NBEAL1: variants seen among roughly 807,000 people sequenced by gnomAD.
NBEAL1 encodes the protein neurobeachin like 1.
NBEAL1 carries 273 observed loss-of-function variants against 351.3 expected under a neutral mutation model. That is an observed-to-expected ratio of 0.78 (90% CI 0.70 to 0.86). NBEAL1 has a LOEUF of 0.86. Among genes scored for constraint, NBEAL1 ranks in the 40% least tolerant of loss-of-function variants. The probability of loss-of-function intolerance (pLI) is 0.00; values close to 1 mark genes in which losing one functional copy is unlikely to be tolerated. For missense variants in NBEAL1, 2,961 were observed against 3,201.3 expected, an observed-to-expected ratio of 0.92 and a Z score of 1.81; for synonymous variants, 1,050 against 1,086.4, an observed-to-expected ratio of 0.97 and a Z score of 0.66.
At chr2:203,141,519 G>T (rs6736046) in intron 31 of NBEAL1, among the ~76,000 whole-genome samples, 2 of 150,190 alleles carry the variant, frequency 1.3e-5, no homozygotes, top group African/African-American at 4.9e-5. Flanking sequence ...AGTCGTTGGG[G>T]CTACAGGCGT....
At chr2:203,081,436 A>G (rs1230356080) in intron 8 of NBEAL1, among the ~76,000 whole-genome samples, 2 of 152,214 alleles carry the variant, frequency 1.3e-5, no homozygotes, top group Non-Finnish European at 2.9e-5. Context: ...CATTTATGGG[A>G]TATTTGTAAG....
At chr2:203,132,521 G>A (rs1575017879) in intron 26 of NBEAL1, among the ~76,000 whole-genome samples, 1 of 152,088 alleles carries the variant, frequency 6.6e-6, no homozygotes, top group African/African-American at 2.4e-5. Flanking sequence ...TTTAGAAACA[G>A]AGTCTTGCTG....
intron 55 of NBEAL1, among the ~76,000 whole-genome samples, chr2:203,215,803 G>A (rs1485647466): frequency 6.6e-6 from 1 of 152,076 alleles, no homozygotes; most frequent in Non-Finnish European, 1.5e-5. Context: ...TTGAGGCCAG[G>A]AGTTTGAGAC....
chr2:203,124,042 G>A (rs1388022641), intron 19 of NBEAL1, among the ~76,000 whole-genome samples: 3 of 152,170 alleles, frequency 2.0e-5, no homozygotes, highest in African/African-American at 7.2e-5. Context: ...TCAAAACAAA[G>A]TAGAAGATAT....
intron 10 of NBEAL1, among the ~76,000 whole-genome samples, chr2:203,087,374 A>G (rs2061985982): frequency 6.6e-6 from 1 of 151,934 alleles, no homozygotes. Flanking sequence ...TATAGGCGTG[A>G]GCCACCGAGC....
At chr2:203,051,206 T>C (rs890357475) in intron 4 of NBEAL1, among the ~76,000 whole-genome samples, 2 of 152,186 alleles carry the variant, frequency 1.3e-5, no homozygotes, top group Admixed American at 1.3e-4. Flanking sequence ...TGTGTGTTTT[T>C]CCTCATCCTT....
At chr2:203,126,501 C>T in intron 21 of NBEAL1, 56 bp from the exon 22 acceptor site, 2 of 1,241,406 alleles carry the variant, frequency 1.6e-6, no homozygotes, top group Non-Finnish European at 2.1e-6. Context: ...AAAATTATAA[C>T]TTAATGACAG....
intron 44 of NBEAL1, among the ~76,000 whole-genome samples, chr2:203,187,604 G>A (rs556754925): frequency 6.6e-6 from 1 of 151,766 alleles, no homozygotes; most frequent in South Asian, 2.1e-4. Context: ...AGCTGGGCGT[G>A]GTGGCAGGCG....
In NBEAL1 at chr2:203,144,751, C is replaced by T; in HGVS notation, c.5000C>T (p.Pro1667Leu). ...ACTGAAATCTACTCATTTCTGATTC[C>T]CCTTGTTCGTACCCTGGTTTCCAAA... ...EQTEIYSFLI[P>L]LVRTLVSKIY... Residue 1667 changes from proline (P) to leucine (L), a missense_variant, in exon 32 of 56, where the codon CCC becomes CTC. Coordinates refer to ENST00000683969, the MANE Select transcript of NBEAL1 (RefSeq NM_001378026.1). 2 of 1,614,072 alleles carry T rather than the reference C, an allele frequency of 1.2e-6. No homozygotes were observed. Among genetic ancestry groups the T allele is most frequent in the South Asian group, 1.1e-5 (1 of 91,078 alleles).
chr2:203,178,027 A>T (rs1363884501), intron 42 of NBEAL1, among the ~76,000 whole-genome samples: 1 of 152,048 alleles, frequency 6.6e-6, no homozygotes, highest in Admixed American at 6.5e-5. Flanking sequence ...TCAAAAAAAA[A>T]AAATAAAAAA....
rs370861737 is a variant in NBEAL1 at position 203,139,557 on chromosome 2, C to CTTTTTTTTTTTTT, written c.4848+826_4848+838dup. Reference sequence around the variant, plus strand: ...CTGACAACAGGTTGCCCACCCCCACCTTTTTTTTTTTTTTTTTTTTTTTTT... The same window carrying CTTTTTTTTTTTTT: ...CTGACAACAGGTTGCCCACCCCCACCTTTTTTTTTTTTTTTTTTTTTTTTTTTTTTTTTTTTTT... On this transcript the variant is annotated intron_variant, in intron 31 of 55. Transcript: ENST00000683969. Among the ~76,000 whole-genome samples the CTTTTTTTTTTTTT allele has an allele frequency of 1.3e-4, 9 of 67,646 alleles. No homozygotes were observed. In the East Asian group the frequency reaches 1.5e-3, roughly 12 times the overall value. 44.4% of individuals were successfully genotyped at this position (67,646 alleles called of 152,430 possible). A position where few individuals can be genotyped will look rare whatever the true frequency, so the allele number is the denominator to read the frequency against.
chr2:203,048,274 C>T (rs1370358790), intron 3 of NBEAL1, among the ~76,000 whole-genome samples: 2 of 150,560 alleles, frequency 1.3e-5, no homozygotes, highest in Non-Finnish European at 2.9e-5. Flanking sequence ...CCCAGCTACT[C>T]GGGAGCCTGA....
At chr2:203,019,023 A>T (rs2060726031) in intron 2 of NBEAL1, among the ~76,000 whole-genome samples, 1 of 152,196 alleles carries the variant, frequency 6.6e-6, no homozygotes, top group African/African-American at 2.4e-5. Context: ...TTTCATGTAT[A>T]GGCTCCCCTT....
intron 53 of NBEAL1, among the ~76,000 whole-genome samples, chr2:203,210,179 A>C (rs1481592171): frequency 6.6e-6 from 1 of 151,852 alleles, no homozygotes; most frequent in African/African-American, 2.4e-5. Context: ...CCTGGCCAAC[A>C]TGGTGAAACC....
At chr2:203,067,303 A>G (rs1259060244) in intron 6 of NBEAL1, among the ~76,000 whole-genome samples, 2 of 152,266 alleles carry the variant, frequency 1.3e-5, no homozygotes, top group Non-Finnish European at 2.9e-5. Context: ...TACAGCTGGT[A>G]TAATCACTGT....
At chr2:203,116,427 A>G (rs1559377390) in intron 18 of NBEAL1, among the ~76,000 whole-genome samples, 1 of 152,130 alleles carries the variant, frequency 6.6e-6, no homozygotes, top group Admixed American at 6.6e-5. Context: ...AATGTGATGT[A>G]GCCAAAAATT....
chr2:203,126,741 A>G (rs1559385046), intron 22 of NBEAL1, 25 bp downstream of exon 22: 2 of 1,514,610 alleles, frequency 1.3e-6, no homozygotes, highest in Non-Finnish European at 8.8e-7. Flanking sequence ...TCAGATAAAC[A>G]TTTTATAGTT....
At chr2:203,120,026 A>T (rs1458330993) in intron 18 of NBEAL1, among the ~76,000 whole-genome samples, 1 of 152,204 alleles carries the variant, frequency 6.6e-6, no homozygotes, top group Non-Finnish European at 1.5e-5. Flanking sequence ...CCCTTACAAT[A>T]CAAAGATAAA....
chr2:203,166,577 A>G (rs1319201822), intron 37 of NBEAL1, among the ~76,000 whole-genome samples: 1 of 151,862 alleles, frequency 6.6e-6, no homozygotes, highest in Non-Finnish European at 1.5e-5. Flanking sequence ...ATGGAGTTCC[A>G]CTCTTGTTGC....
Sources: gnomAD v4.1 joint callset for allele counts (sites outside exome capture counted in the v4.1 genomes callset) on GRCh38, gnomAD v4.1.1 for gene constraint, MANE v1.5 for transcripts, NCBI Gene and HGNC (gene_info 2026-07-23, HGNC 2026-07-21) for gene names.